KCNIP3: variants seen among roughly 807,000 people sequenced by gnomAD.
KCNIP3 encodes the protein potassium voltage-gated channel interacting protein 3, also known as calsenilin.
In KCNIP3, 28 loss-of-function variants were observed where a neutral mutation model predicts 35.0. The observed-to-expected ratio is 0.80, with a 90% confidence interval of 0.59 to 1.10. The LOEUF is 1.10. Among genes scored for constraint, KCNIP3 ranks in the 50% least tolerant of loss-of-function variants. KCNIP3 has a pLI of 0.00. For missense variants in KCNIP3, 295 were observed against 338.4 expected, an observed-to-expected ratio of 0.87 and a Z score of 1.01; for synonymous variants, 134 against 133.8, an observed-to-expected ratio of 1.00 and a Z score of -0.01.
chr2:95,369,830 C>A (rs1680000984), intron 2 of KCNIP3, among the ~76,000 whole-genome samples: 1 of 152,154 alleles, frequency 6.6e-6, no homozygotes, highest in East Asian at 1.9e-4. Context: ...TGCTATGTTG[C>A]CCAGGCTGGT....
chr2:95,372,502 G>A (rs752118701), intron 2 of KCNIP3, among the ~76,000 whole-genome samples: 6 of 152,228 alleles, frequency 3.9e-5, no homozygotes, highest in Non-Finnish European at 5.9e-5. Flanking sequence ...TCTATATGGT[G>A]ATGGGAATGA....
chr2:95,365,875 C>T (rs1023936776), intron 2 of KCNIP3, among the ~76,000 whole-genome samples: 1 of 152,058 alleles, frequency 6.6e-6, no homozygotes, highest in African/African-American at 2.4e-5. Context: ...TAAAATTTAC[C>T]TTTTTGGCTG....
chr2:95,316,297 G>A (rs1678459025), intron 2 of KCNIP3, among the ~76,000 whole-genome samples: 1 of 152,258 alleles, frequency 6.6e-6, no homozygotes. Flanking sequence ...GTGGTGCACA[G>A]GAGGCCCGCC....
intron 5 of KCNIP3, 48 bp from the exon 6 acceptor site, chr2:95,381,548 C>T (rs375658646): frequency 7.3e-7 from 1 of 1,371,050 alleles, no homozygotes; most frequent in East Asian, 2.3e-5. Context: ...GGAACTAGAA[C>T]CTGGGCATTG....
intron 2 of KCNIP3, among the ~76,000 whole-genome samples, chr2:95,369,794 G>A (rs1680000109): frequency 6.6e-6 from 1 of 151,832 alleles, no homozygotes; most frequent in Non-Finnish European, 1.5e-5. Flanking sequence ...CCATGCCTGG[G>A]CAATTTTTTT....
chr2:95,374,536 T>C (rs1171388853), intron 3 of KCNIP3, 116 bp downstream of exon 3: 1 of 1,320,968 alleles, frequency 7.6e-7, no homozygotes, highest in African/African-American at 1.5e-5. Flanking sequence ...TTATGTGTTG[T>C]GGGAAAGCTG....
intron 5 of KCNIP3, among the ~76,000 whole-genome samples, chr2:95,381,269 A>G (rs1262861874): frequency 2.0e-5 from 3 of 152,172 alleles, no homozygotes; most frequent in Admixed American, 2.0e-4. Context: ...ACACAGGTTC[A>G]CACACTCACA....
intron 1 of KCNIP3, chr2:95,310,150 C>A: frequency 1.4e-6 from 1 of 695,678 alleles, no homozygotes; most frequent in Non-Finnish European, 2.6e-6. Flanking sequence ...CATCTTACAC[C>A]ATAGCCAGGG....
At chr2:95,325,991 TCA>T (rs994290986) in intron 2 of KCNIP3, among the ~76,000 whole-genome samples, 7 of 126,648 alleles carry the variant, frequency 5.5e-5, no homozygotes, top group South Asian at 5.1e-4. Context: ...TCCTACACAC[TCA>T]CACACACTCA....
At position 95,382,379 on chromosome 2, in the gene KCNIP3, G is replaced by C. The variant is rs146570394; in HGVS notation, c.558G>C (p.Glu186Asp). 42 of 1,582,036 alleles carry C rather than the reference G, an allele frequency of 2.7e-5. No homozygotes were observed. The highest frequency in any genetic ancestry group is 3.5e-5 in the Non-Finnish European group (41 of 1,164,590). Residue 186 changes from glutamate (E) to aspartate (D), a missense_variant and splice_region_variant, in exon 7 of 9, where the codon GAG (glutamate) becomes GAC (aspartate). Coordinates refer to ENST00000295225, the MANE Select transcript of KCNIP3 (RefSeq NM_013434.5). This position sits in a 1 kb window ranked among gnomAD's most constrained non-coding sequence, Gnocchi z 4.5. ...CTCATGCCAGCCTCCCCCTCCAGGA[G>C]ATGCTGGCCATCATGAAGTCCATCT... ...INKDGYITKEEMLAIMKSIYD... is the reference protein window; with the variant it reads ...INKDGYITKEDMLAIMKSIYD...
intron 5 of KCNIP3, among the ~76,000 whole-genome samples, chr2:95,379,988 ATTG>A (rs1473180255): frequency 1.3e-5 from 2 of 152,034 alleles, no homozygotes; most frequent in African/African-American, 4.8e-5. Flanking sequence ...GTCTTTCCTG[ATTG>A]CTCCTACCCA....
At chr2:95,314,509 T>C (rs1193946378) in intron 2 of KCNIP3, among the ~76,000 whole-genome samples, 1 of 152,206 alleles carries the variant, frequency 6.6e-6, no homozygotes, top group African/African-American at 2.4e-5. Context: ...CCTGCCTCAT[T>C]GGGGTTGCTA....
intron 2 of KCNIP3, among the ~76,000 whole-genome samples, chr2:95,374,056 T>C (rs1415657897): frequency 1.3e-5 from 2 of 152,206 alleles, no homozygotes; most frequent in Non-Finnish European, 2.9e-5. Flanking sequence ...GGGGGCACAC[T>C]GCAGGGGCTG....
chr2:95,300,580 G>A (rs1677999818), intron 1 of KCNIP3, among the ~76,000 whole-genome samples: 1 of 24,274 alleles, frequency 4.1e-5, no homozygotes, highest in African/African-American at 1.3e-4. Flanking sequence ...TGAGAGTCGG[G>A]GGAGGGCACA....
intron 2 of KCNIP3, among the ~76,000 whole-genome samples, chr2:95,316,841 A>T (rs558003344): frequency 2.0e-5 from 3 of 152,354 alleles, no homozygotes; most frequent in Admixed American, 1.3e-4. Context: ...TCTCAGCCAC[A>T]TGTGGCTTGC....
intron 2 of KCNIP3, among the ~76,000 whole-genome samples, chr2:95,360,759 G>A (rs1245788758): frequency 2.0e-5 from 3 of 152,262 alleles, no homozygotes; most frequent in African/African-American, 4.8e-5. Flanking sequence ...GAGAGAGAGC[G>A]AGAGACAGAG....
intron 2 of KCNIP3, among the ~76,000 whole-genome samples, chr2:95,351,821 C>CA (rs1182979930): frequency 6.6e-6 from 1 of 151,770 alleles, no homozygotes; most frequent in African/African-American, 2.4e-5. Flanking sequence ...CTCTACAAAA[C>CA]AAAAAAAGAT....
At chr2:95,374,797 G>A in intron 3 of KCNIP3, 51 bp from the exon 4 acceptor site, 1 of 1,590,562 alleles carries the variant, frequency 6.3e-7, no homozygotes, top group Non-Finnish European at 8.6e-7. Context: ...TGCAGAGTCG[G>A]GCTTGGAGCT....
intron 2 of KCNIP3, among the ~76,000 whole-genome samples, chr2:95,319,957 G>T (rs1302839556): frequency 1.3e-5 from 2 of 152,200 alleles, no homozygotes; most frequent in African/African-American, 4.8e-5. Context: ...AGAGCGGCAG[G>T]TTTGCCTCTG....
Sources: gnomAD v4.1 joint callset for allele counts (sites outside exome capture counted in the v4.1 genomes callset) on GRCh38, gnomAD v4.1.1 for gene constraint, Gnocchi (gnomAD v3.1) non-coding constraint, MANE v1.5 for transcripts, NCBI Gene and HGNC (gene_info 2026-07-23, HGNC 2026-07-21) for gene names.